DTD1: variants seen among roughly 807,000 people sequenced by gnomAD.
DTD1 encodes D-aminoacyl-tRNA deacylase 1, also known as D-tyrosyl-tRNA deacylase 1 homolog.
DTD1 carries 13 observed loss-of-function variants against 25.6 expected under a neutral mutation model. The ratio of observed to expected loss-of-function variants is 0.51; its 90% CI spans 0.33 to 0.81. The LOEUF is 0.81. Ranked by LOEUF, DTD1 falls within the 30% of genes least tolerant of loss-of-function variation. The probability of loss-of-function intolerance (pLI) is 0.02; values close to 1 mark genes in which losing one functional copy is unlikely to be tolerated. For missense variants in DTD1, 193 were observed against 266.4 expected, an observed-to-expected ratio of 0.72 and a Z score of 1.92; for synonymous variants, 110 against 103.6, an observed-to-expected ratio of 1.06 and a Z score of -0.37.
chr20:18,701,647 A>T (rs1165850672), intron 4 of DTD1, among the ~76,000 whole-genome samples: 1 of 152,200 alleles, frequency 6.6e-6, no homozygotes, highest in Non-Finnish European at 1.5e-5. Context: ...CGGGGAGAGC[A>T]GTAGGATGGG....
At chr20:18,614,701 T>G (rs1185070351) in intron 3 of DTD1, among the ~76,000 whole-genome samples, 1 of 152,116 alleles carries the variant, frequency 6.6e-6, no homozygotes, top group Admixed American at 6.6e-5. Context: ...TGAGAGAAGC[T>G]GCAGGCTGTA....
At chr20:18,743,532 GA>G (rs917266784) in intron 4 of DTD1, among the ~76,000 whole-genome samples, 1 of 151,994 alleles carries the variant, frequency 6.6e-6, no homozygotes, top group Non-Finnish European at 1.5e-5. Context: ...TGTTTCTACA[GA>G]AAAATTGGCA....
chr20:18,738,130 G>A (rs1354170968), intron 4 of DTD1, among the ~76,000 whole-genome samples: 1 of 152,202 alleles, frequency 6.6e-6, no homozygotes, highest in Non-Finnish European at 1.5e-5. Flanking sequence ...TTGGCACCTA[G>A]AGTAGGTATA....
At chr20:18,698,662 C>T (rs1462121111) in intron 4 of DTD1, 1 of 152,302 alleles carries the variant, frequency 6.6e-6, no homozygotes, top group Non-Finnish European at 1.5e-5. Context: ...GATGCTGCTG[C>T]TCAGCTCATT....
chr20:18,739,290 G>GA (rs2061268184), intron 4 of DTD1, among the ~76,000 whole-genome samples: 1 of 152,196 alleles, frequency 6.6e-6, no homozygotes, highest in Non-Finnish European at 1.5e-5. Context: ...TAATTAAAAA[G>GA]AAAAACGCTT....
At chr20:18,631,217 A>G in intron 4 of DTD1, 1 of 985,468 alleles carries the variant, frequency 1.0e-6, no homozygotes, top group Non-Finnish European at 1.2e-6. Flanking sequence ...CCCTGGGGCC[A>G]GGACCAGCTA....
chr20:18,741,939 A>G (rs1204170542), intron 4 of DTD1, among the ~76,000 whole-genome samples: 1 of 133,270 alleles, frequency 7.5e-6, no homozygotes, highest in African/African-American at 3.0e-5. Flanking sequence ...GGGTCTCTCT[A>G]TGTTGCCCAG....
chr20:18,743,000 G>C (rs1227885970), intron 4 of DTD1, among the ~76,000 whole-genome samples: 1 of 152,176 alleles, frequency 6.6e-6, no homozygotes, highest in East Asian at 1.9e-4. Context: ...GTGTTTTTTG[G>C]TCTAAGAAAA....
chr20:18,716,978 T>C (rs1439682042), intron 4 of DTD1, among the ~76,000 whole-genome samples: 1 of 152,152 alleles, frequency 6.6e-6, no homozygotes, highest in Admixed American at 6.5e-5. Context: ...CAATCTGAGG[T>C]ACACATCAAG....
rs55984974 is a variant in DTD1 at position 18,623,874 on chromosome 20, C to CTGTGTG, written c.371-4225_371-4220dup. On this transcript the variant is annotated intron_variant, in intron 3 of 5. Transcript: ENST00000377452. ...TTCTCAACAGTACTTACAAGAAGAA[C>CTGTGTG]TGTGTGTGTGTGTGTGTGTGTGTGT... Among the ~76,000 whole-genome samples, 472 of 143,732 alleles carry CTGTGTG rather than the reference C, an allele frequency of 3.3e-3. 4 individuals are homozygous for CTGTGTG. Among genetic ancestry groups the CTGTGTG allele is most frequent in the African/African-American group, 1.0e-2 (387 of 38,880 alleles). The allele number at this position is 143,732 out of a possible 152,430, so 94.3% of individuals were successfully genotyped here.
intron 4 of DTD1, among the ~76,000 whole-genome samples, chr20:18,718,786 C>G (rs1458110805): frequency 6.6e-6 from 1 of 152,162 alleles, no homozygotes; most frequent in African/African-American, 2.4e-5. Flanking sequence ...TATTAGTTAG[C>G]CCTCTCTAAG....
intron 3 of DTD1, among the ~76,000 whole-genome samples, chr20:18,596,820 A>G (rs994439246): frequency 6.6e-6 from 1 of 151,792 alleles, no homozygotes; most frequent in Non-Finnish European, 1.5e-5. Context: ...GATATTCCAT[A>G]TATCTCTGCC....
At chr20:18,657,416 A>G (rs2060895108) in intron 4 of DTD1, among the ~76,000 whole-genome samples, 2 of 152,208 alleles carry the variant, frequency 1.3e-5, no homozygotes, top group African/African-American at 2.4e-5. Context: ...GACTTTGGAG[A>G]TAAAAATGGT....
At chr20:18,689,939 C>CTA (rs1555800757) in intron 4 of DTD1, among the ~76,000 whole-genome samples, 102 of 150,766 alleles carry the variant, frequency 6.8e-4, no homozygotes, top group Middle Eastern at 3.4e-3. Flanking sequence ...GAGTTAAAGA[C>CTA]CAGCCTGGGG....
At chr20:18,623,561 C>T (rs1173432447) in intron 3 of DTD1, among the ~76,000 whole-genome samples, 2 of 152,120 alleles carry the variant, frequency 1.3e-5, no homozygotes, top group Non-Finnish European at 2.9e-5. Context: ...CATGGCTCCT[C>T]CTCCCCACAT....
intron 4 of DTD1, among the ~76,000 whole-genome samples, chr20:18,665,489 T>A (rs1420394692): frequency 6.6e-6 from 1 of 152,220 alleles, no homozygotes; most frequent in Non-Finnish European, 1.5e-5. Context: ...GGTTCTGCCC[T>A]GGCAGTTTCT....
chr20:18,699,881 CA>C (rs2061096338), intron 4 of DTD1, among the ~76,000 whole-genome samples: 1 of 152,160 alleles, frequency 6.6e-6, no homozygotes, highest in African/African-American at 2.4e-5. Flanking sequence ...TCCTTTTACC[CA>C]GCTTCCCGAA....
chr20:18,598,255 T>C (rs1290591697), intron 3 of DTD1, among the ~76,000 whole-genome samples: 1 of 152,126 alleles, frequency 6.6e-6, no homozygotes, highest in Non-Finnish European at 1.5e-5. Context: ...TGTGATGGTT[T>C]GCTGAGAATG....
chr20:18,656,609 C>T (rs753904354), intron 4 of DTD1, among the ~76,000 whole-genome samples: 3 of 152,198 alleles, frequency 2.0e-5, no homozygotes, highest in African/African-American at 4.8e-5. Context: ...ATGTCTGCCT[C>T]GCTCCTCTGG....
Sources: allele counts gnomAD v4.1 joint callset (sites outside exome capture counted in the v4.1 genomes callset), GRCh38; gene constraint gnomAD v4.1.1; transcripts MANE v1.5; gene names NCBI Gene and HGNC (gene_info 2026-07-23, HGNC 2026-07-21).